Variants in FLG observed in about 807,000 individuals in gnomAD.
FLG encodes the protein filaggrin, also known as epidermal filaggrin.
A neutral mutation model predicts 3.8 loss-of-function variants in FLG; 6 were observed. The ratio of observed to expected loss-of-function variants is 1.60; its 90% confidence interval spans 0.87 to 3.15. The LOEUF (loss-of-function observed/expected upper bound fraction) is 3.15. Ranked by LOEUF, FLG falls within the 30% of genes most tolerant of loss-of-function variation. The pLI, the probability that FLG is intolerant of heterozygous loss-of-function variation, is 0.00. For missense variants in FLG, 7,595 were observed against 5,050.9 expected, an observed-to-expected ratio of 1.50 and a Z score of -15.27; for synonymous variants, 2,551 against 1,931.6, an observed-to-expected ratio of 1.32 and a Z score of -8.41.
rs375423337 is a variant in FLG at position 152,302,960 on chromosome 1, G to T, written c.11926C>A (p.His3976Asn). Residue 3976 changes from histidine (H) to asparagine (N), a missense_variant, in exon 3 of 3, where the codon CAT becomes AAT. Coordinates refer to ENST00000368799, the MANE Select transcript of FLG (RefSeq NM_002016.2). ...QKGQSGLVWR[H>N]GSYGSADYDY... ...TAATCTGCACTACCATAGCTGCCAT[G>T]TCTCCAAACTAAACCTGATTGACCT... is the stretch of plus-strand genomic sequence containing the variant. 6.2e-7 allele frequency: 1 copy of T among 1,614,016 alleles called. No individual in the cohort carries two copies. Among genetic ancestry groups the T allele is most frequent in the Non-Finnish European group, 8.5e-7 (1 of 1,180,028 alleles).
Position 152,313,164 on chromosome 1 carries a change from C to G in FLG, c.1722G>C (p.Glu574Asp). Residue 574 changes from glutamate to aspartate, a missense_variant, in exon 3 of 3, where the codon GAG becomes GAC. Transcript: ENST00000368799. ...SRSASRQTRN[E>D]EQSGDGTRHS... ...GCCTGGTGCCGTCTCCTGATTGTTC[C>G]TCATTTCGTGTTTGTCTGCTTGCAC... The G allele has an allele frequency of 6.2e-7, 1 of 1,613,842 alleles. No homozygotes were observed. The highest frequency in any genetic ancestry group is 8.5e-7 in the Non-Finnish European group (1 of 1,180,004).
In FLG at chr1:152,308,514, G is replaced by A; in HGVS notation, c.6372C>T (p.Asp2124=). ...CTTGGGATGCTGAGTGCCTGGAGCTGTCTTGTGCCTGATCATAATGGGATC... is the reference window on the plus strand; with the variant it reads ...CTTGGGATGCTGAGTGCCTGGAGCTATCTTGTGCCTGATCATAATGGGATC... The part of the protein sequence containing the change: ...RQGSHYDQAQ[D]SSRHSASQEG... Residue 2124 remains aspartate, a synonymous_variant, in exon 3 of 3, where the codon GAC becomes GAT. Coordinates refer to ENST00000368799, the MANE Select transcript of FLG (RefSeq NM_002016.2). 6.2e-7 allele frequency: 1 copy of A among 1,613,754 alleles called. No homozygotes were observed. Among genetic ancestry groups the A allele is most frequent in the Non-Finnish European group, 8.5e-7 (1 of 1,179,756 alleles).
chr1:152,313,744 C>G lies in FLG; in HGVS notation c.1142G>C (p.Gly381Ala). 1 of 1,614,108 alleles carries G rather than the reference C, an allele frequency of 6.2e-7. No individual in the cohort carries two copies. Among genetic ancestry groups the G allele is most frequent in the Non-Finnish European group, 8.5e-7 (1 of 1,179,988 alleles). The change falls in exon 3 of 3, where the codon GGA becomes GCA. Residue 381 changes from glycine to alanine, a missense_variant. Transcript: ENST00000368799. ...SSHEQARSSP[G>A]ERHGSGHQQS... ...CTGGTGGCCGGATCCATGTCTTTCT[C>G]CTGGACTTGATCTTGCCTGTTCATG... is the stretch of plus-strand genomic sequence containing the variant.
At position 152,307,188 on chromosome 1, in the gene FLG, A is replaced by C. The variant is rs1652027899; in HGVS notation, c.7698T>G (p.Ser2566Arg). 1.2e-6 allele frequency: 2 copies of C among 1,612,146 alleles called. No homozygotes were observed. The highest frequency in any genetic ancestry group is 1.7e-5 in the Admixed American group (1 of 59,910). ...CCTGACTGTCACTGTCCTGGCTAAAACTGGATCCCCAGTTCCTGCTTGTCC... is the reference window on the plus strand; with the variant it reads ...CCTGACTGTCACTGTCCTGGCTAAACCTGGATCCCCAGTTCCTGCTTGTCC... Reference protein sequence around the residue: ...GPRTSRNWGSSFSQDSDSQGH... With the variant: ...GPRTSRNWGSRFSQDSDSQGH... Residue 2566 changes from serine (S) to arginine (R), a missense_variant, in exon 3 of 3, where the codon AGT (serine) becomes AGG (arginine). Transcript: ENST00000368799.
chr1:152,310,354 C>A lies in FLG; in HGVS notation c.4532G>T (p.Arg1511Met). The change falls in exon 3 of 3, where the codon AGG becomes ATG. Residue 1511 changes from arginine (R) to methionine (M), a missense_variant. Arg to Met is a moderately conservative substitution (Grantham distance 91). Coordinates refer to ENST00000368799, the MANE Select transcript of FLG (RefSeq NM_002016.2). ...QGSYHEQSVD[R>M]SGHSGYHHSH... The stretch of plus-strand genomic sequence containing the variant: ...GTGATGGTACCCTGAGTGTCCAGAC[C>A]TATCTACTGATTGCTCGTGGTAGGA... The A allele has an allele frequency of 6.2e-7, 1 of 1,613,928 alleles. No individual in the cohort carries two copies. Among genetic ancestry groups the A allele is most frequent in the Non-Finnish European group, 8.5e-7 (1 of 1,180,012 alleles).
rs369029216 is a variant in FLG at position 152,307,246 on chromosome 1, G to C, written c.7640C>G (p.Ser2547Trp). ...CTCTGATTGTCCCTGGCCCACCTGC[G>C]AGTGTCCAGAGCTGTCGGCCCGAGA... is the stretch of plus-strand genomic sequence containing the variant. ...ASSRADSSGH[S>W]QVGQGQSEGP... Residue 2547 changes from serine (S) to tryptophan (W), a missense_variant, in exon 3 of 3, where the codon TCG becomes TGG. Coordinates refer to ENST00000368799, the MANE Select transcript of FLG (RefSeq NM_002016.2). 1.2e-5 allele frequency: 20 copies of C among 1,612,756 alleles called. No individual in the cohort carries two copies. The highest frequency in any genetic ancestry group is 1.7e-5 in the Non-Finnish European group (20 of 1,179,986).
At position 152,307,936 on chromosome 1, in the gene FLG, G is replaced by A. The variant is rs535516833; in HGVS notation, c.6950C>T (p.Ser2317Leu). ...AENSSGGQAA[S>L]SHEQARSSAG... ...ACTTGATCTTGCCTGTTCATGGGAT[G>A]ATGCAGCCTGTCCACCAGAGGAATT... The change falls in exon 3 of 3, where the codon TCA becomes TTA. Residue 2317 changes from serine (S) to leucine (L), a missense_variant. Transcript: ENST00000368799. 2 of 1,613,908 alleles carry A rather than the reference G, an allele frequency of 1.2e-6. No homozygotes were observed. Among genetic ancestry groups the A allele is most frequent in the Admixed American group, 1.7e-5 (1 of 60,012 alleles).
At chr1:152,316,856 T>C (rs1652804631) in intron 1 of FLG, among the ~76,000 whole-genome samples, 1 of 152,152 alleles carries the variant, frequency 6.6e-6, no homozygotes, top group Non-Finnish European at 1.5e-5. Context: ...CTTGGATACA[T>C]CCACTTGTCC....
rs542756481 is a variant in FLG at position 152,305,428 on chromosome 1, C to T, written c.9458G>A (p.Arg3153His). 129 of 1,598,918 alleles carry T rather than the reference C, an allele frequency of 8.1e-5. No homozygotes were observed. Among genetic ancestry groups the T allele is most frequent in the East Asian group, 1.1e-4 (5 of 43,632 alleles). ...TTSQGRSDAS[R>H]GQSGSRSASR... is the part of the protein sequence containing the mutation. ...TGCACTTCTGGATCCTGACTGCCCA[C>T]GGGAGGCATCAGACCTTCCCTGGGA... Residue 3153 changes from arginine (R) to histidine (H), a missense_variant, in exon 3 of 3, where the codon CGT becomes CAT. Physicochemically the swap from Arg to His is conservative, Grantham distance 29 (BLOSUM62 0). Transcript: ENST00000368799.
chr1:152,306,395 G>A lies in FLG; in HGVS notation c.8491C>T (p.Gln2831Ter), dbSNP rs746688603. Residue 2831 changes from glutamine to a stop codon, truncating the protein, a stop_gained, in exon 3 of 3, where the codon CAG becomes TAG. Coordinates refer to ENST00000368799, the MANE Select transcript of FLG (RefSeq NM_002016.2). LOFTEE classifies it low-confidence loss of function (END_TRUNC). The stretch of plus-strand genomic sequence containing the variant: ...CTGCTTGCACTTCTGGATCCTGACT[G>A]CCCACGGGAGGCATCAGACCTTCCC... ...SQGRSDASRGQSGSRSASRTT... is the reference protein window; with the variant it reads ...SQGRSDASRG 2.5e-6 allele frequency: 4 copies of A among 1,602,918 alleles called. No individual in the cohort carries two copies. In the South Asian group the frequency reaches 4.4e-5, roughly 18 times the overall value.
chr1:152,310,808 G>C lies in FLG; in HGVS notation c.4078C>G (p.Arg1360Gly), dbSNP rs372081313. ...GAGCTGTCTGCTGACTGCTGGTGGCGGGATCCATGTCTTTCTCCTGGACTT... is the reference window on the plus strand; with the variant it reads ...GAGCTGTCTGCTGACTGCTGGTGGCCGGATCCATGTCTTTCTCCTGGACTT... ...RSSPGERHGS[R>G]HQQSADSSRH... is the part of the protein sequence containing the mutation. The change falls in exon 3 of 3, where the codon CGC becomes GGC. Residue 1360 changes from arginine to glycine, a missense_variant. Transcript: ENST00000368799. 1.6e-5 allele frequency: 25 copies of C among 1,611,602 alleles called. 1 individual carries two copies. The highest frequency in any genetic ancestry group is 9.9e-5 in the South Asian group (9 of 90,926).
rs1570892042 is a variant in FLG, at chr1:152,302,943, A to G, written c.11943T>C (p.Ser3981=). Residue 3981 remains serine (S), a synonymous_variant, in exon 3 of 3, where the codon AGT becomes AGC. Transcript: ENST00000368799. The part of the protein sequence containing the change: ...GLVWRHGSYG[S]ADYDYGESGF... Reference sequence around the variant, plus strand: ...CGGATTCACCATAATCATAATCTGCACTACCATAGCTGCCATGTCTCCAAA... The same window carrying G: ...CGGATTCACCATAATCATAATCTGCGCTACCATAGCTGCCATGTCTCCAAA... The G allele has an allele frequency of 1.2e-6, 2 of 1,614,184 alleles. No homozygotes were observed. The highest frequency in any genetic ancestry group is 1.7e-6 in the Non-Finnish European group (2 of 1,180,036).
In FLG at chr1:152,303,297, A is replaced by C. The variant is rs1330783295; in HGVS notation, c.11589T>G (p.Val3863=). The change falls in exon 3 of 3, where the codon GTT becomes GTG. Residue 3863 remains valine (V), a synonymous_variant. Transcript: ENST00000368799. ...ATGCCTCACTGTCACTGTCCTGGCTAACACTGGATCCCTGGCGCCTGCTTC... is the reference window on the plus strand; with the variant it reads ...ATGCCTCACTGTCACTGTCCTGGCTCACACTGGATCCCTGGCGCCTGCTTC... ...SRRSRRQGSS[V]SQDSDSEAYP... 7 of 1,613,944 alleles carry C rather than the reference A, an allele frequency of 4.3e-6. No individual in the cohort carries two copies. Among genetic ancestry groups the C allele is most frequent in the East Asian group, 2.2e-5 (1 of 44,854 alleles).
At position 152,307,613 on chromosome 1, in the gene FLG, C is replaced by G. The variant is rs777847335; in HGVS notation, c.7273G>C (p.Glu2425Gln). Residue 2425 changes from glutamate to glutamine, a missense_variant, in exon 3 of 3, where the codon GAG becomes CAG. Coordinates refer to ENST00000368799, the MANE Select transcript of FLG (RefSeq NM_002016.2). The part of the protein sequence containing the change: ...LYQVSTHEQS[E>Q]SAHGRTGTST... Reference sequence around the variant, plus strand: ...GTCCCGGTCCGTCCATGGGCGGACTCAGACTGTTCATGAGTGCTCACCTGG... The same window carrying G: ...GTCCCGGTCCGTCCATGGGCGGACTGAGACTGTTCATGAGTGCTCACCTGG... 2.5e-6 allele frequency: 4 copies of G among 1,613,528 alleles called. No homozygotes were observed. The highest frequency in any genetic ancestry group is 1.3e-5 in the African/African-American group (1 of 74,724).
rs759577777 is a variant in FLG at position 152,307,530 on chromosome 1, G to C, written c.7356C>G (p.His2452Gln). 2 of 1,613,764 alleles carry C rather than the reference G, an allele frequency of 1.2e-6. No individual in the cohort carries two copies. The highest frequency in any genetic ancestry group is 2.2e-5 in the East Asian group (1 of 44,776). Residue 2452 changes from histidine to glutamine, a missense_variant, in exon 3 of 3, where the codon CAC becomes CAG. His to Gln is a conservative substitution (Grantham distance 24). Transcript: ENST00000368799. ...TGTCCTGACCCTCTTGGGACGTTGA[G>C]TGCCTGGAGCTGTCTCGTGCCTGCT... The part of the protein sequence containing the change: ...HHKQARDSSR[H>Q]STSQEGQDTI...
rs756914221 is a variant in FLG, at chr1:152,308,934, A to G, written c.5952T>C (p.Ser1984=). 13 of 1,614,036 alleles carry G rather than the reference A, an allele frequency of 8.1e-6. No homozygotes were observed. The highest frequency in any genetic ancestry group is 1.1e-5 in the Non-Finnish European group (13 of 1,180,000). Residue 1984 remains serine, a synonymous_variant, in exon 3 of 3, where the codon TCT becomes TCC. Transcript: ENST00000368799. ...SRQSGTRHTE[S]SSRGQAASSH... ...ATGACGCAGCCTGTCCACGAGAGGAAGACTCTGTGTGACGAGTGCCTGATT... is the reference window on the plus strand; with the variant it reads ...ATGACGCAGCCTGTCCACGAGAGGAGGACTCTGTGTGACGAGTGCCTGATT...
At position 152,314,062 on chromosome 1, in the gene FLG, C is replaced by G. The variant is rs577951951; in HGVS notation, c.824G>C (p.Arg275Thr). Residue 275 changes from arginine to threonine, a missense_variant, in exon 3 of 3, where the codon AGA becomes ACA. By Grantham distance (71) the Arg-to-Thr change is moderately conservative (BLOSUM62 -1). Transcript: ENST00000368799. ...TGGTACCTGGCTTGTATTTTCATGTCTTGACCTGTTCACTTGAGATGATGA... is the reference window on the plus strand; with the variant it reads ...TGGTACCTGGCTTGTATTTTCATGTGTTGACCTGTTCACTTGAGATGATGA... Reference protein sequence around the residue: ...GKSSSQVNRSRHENTSQVPLQ... With the variant: ...GKSSSQVNRSTHENTSQVPLQ... The G allele has an allele frequency of 1.9e-6, 3 of 1,614,190 alleles. No homozygotes were observed. The highest frequency in any genetic ancestry group is 2.2e-5 in the South Asian group (2 of 91,088).
At chr1:152,319,848 G>A (rs1652899790) in intron 1 of FLG, among the ~76,000 whole-genome samples, 1 of 151,382 alleles carries the variant, frequency 6.6e-6, no homozygotes, top group African/African-American at 2.4e-5. Context: ...GCACAGAGGA[G>A]CAAGAAAGAA....
rs201022887 is a variant in FLG at position 152,313,315 on chromosome 1, C to G, written c.1571G>C (p.Arg524Thr). The change falls in exon 3 of 3, where the codon AGA becomes ACA. Residue 524 changes from arginine to threonine, a missense_variant. Coordinates refer to ENST00000368799, the MANE Select transcript of FLG (RefSeq NM_002016.2). The stretch of plus-strand genomic sequence containing the variant: ...GTGGTGGGATCCCTGCCTTCCTCCT[C>G]TGCTTGACCCCGGGTGTCCACGAAT... The part of the protein sequence containing the change: ...DTIRGHPGSS[R>T]GGRQGSHHEQ... 11 of 1,613,676 alleles carry G rather than the reference C, an allele frequency of 6.8e-6. No individual in the cohort carries two copies. Among genetic ancestry groups the G allele is most frequent in the Non-Finnish European group, 8.5e-6 (10 of 1,179,944 alleles).
Sources: gnomAD v4.1 joint callset for allele counts (sites outside exome capture counted in the v4.1 genomes callset) on GRCh38, gnomAD v4.1.1 for gene constraint, MANE v1.5 for transcripts, NCBI Gene and HGNC (gene_info 2026-07-23, HGNC 2026-07-21) for gene names.